Variants in NELL1 observed in about 807,000 individuals in gnomAD.
NELL1 encodes neural EGFL like 1.
A neutral mutation model predicts 107.4 loss-of-function variants in NELL1; 76 were observed. That is an observed-to-expected ratio of 0.71 (90% CI 0.59 to 0.86). The LOEUF (loss-of-function observed/expected upper bound fraction) is 0.86. Ranked by LOEUF, NELL1 falls within the 40% of genes least tolerant of loss-of-function variation. The pLI is 0.00. For missense variants in NELL1, 1,024 were observed against 1,005.5 expected (o/e 1.02, Z -0.25); for synonymous variants, 353 against 341.2 (o/e 1.03, Z -0.38).
chr11:20,867,965 C>T (rs1166887314), intron 4 of NELL1, among the ~76,000 whole-genome samples: 2 of 152,100 alleles, frequency 1.3e-5, no homozygotes, highest in African/African-American at 2.4e-5. Flanking sequence ...CTTAGGTAAA[C>T]ACAGAGAAAT....
At chr11:20,963,569 T>C (rs914710131) in intron 12 of NELL1, among the ~76,000 whole-genome samples, 3 of 152,130 alleles carry the variant, frequency 2.0e-5, no homozygotes, top group Non-Finnish European at 2.9e-5. Flanking sequence ...ATGAGATAAA[T>C]GGTCATGCAG....
At chr11:20,697,969 A>G (rs1228325174) in intron 2 of NELL1, among the ~76,000 whole-genome samples, 1 of 152,172 alleles carries the variant, frequency 6.6e-6, no homozygotes, top group Non-Finnish European at 1.5e-5. Flanking sequence ...TTAAATGCCG[A>G]TCTTCCAGAT....
chr11:20,758,446 A>G (rs1856346365), intron 2 of NELL1, among the ~76,000 whole-genome samples: 1 of 152,140 alleles, frequency 6.6e-6, no homozygotes, highest in African/African-American at 2.4e-5. Flanking sequence ...AGTTCTTCCT[A>G]TCCTACTGAC....
At chr11:20,685,906 C>A (rs1194881856) in intron 2 of NELL1, among the ~76,000 whole-genome samples, 1 of 151,904 alleles carries the variant, frequency 6.6e-6, no homozygotes, top group African/African-American at 2.4e-5. Flanking sequence ...ACTATTATTA[C>A]CCCCTTTTAT....
At chr11:21,519,980 A>AT (rs1855677032) in intron 15 of NELL1, among the ~76,000 whole-genome samples, 1 of 152,124 alleles carries the variant, frequency 6.6e-6, no homozygotes, top group Non-Finnish European at 1.5e-5. Context: ...ATAAATACCC[A>AT]TATCAATCGC....
At chr11:21,568,477 C>T (rs549695175) in intron 17 of NELL1, among the ~76,000 whole-genome samples, 2 of 151,844 alleles carry the variant, frequency 1.3e-5, no homozygotes, top group African/African-American at 4.8e-5. Context: ...ATAAATTAAC[C>T]TTAGCTTATT....
chr11:20,929,537 C>T (rs1347252030), intron 9 of NELL1, among the ~76,000 whole-genome samples: 1 of 151,542 alleles, frequency 6.6e-6, no homozygotes, highest in African/African-American at 2.4e-5. Context: ...GTTTCAAGAA[C>T]TTTTGGAAGT....
chr11:20,868,331 A>G (rs1849132749), intron 4 of NELL1, among the ~76,000 whole-genome samples: 1 of 152,226 alleles, frequency 6.6e-6, no homozygotes, highest in Non-Finnish European at 1.5e-5. Flanking sequence ...AATATCTAGA[A>G]TAGGAGCATT....
chr11:20,671,355 G>A (rs1032840438), intron 1 of NELL1: 1 of 152,408 alleles, frequency 6.6e-6, no homozygotes, highest in African/African-American at 2.4e-5. Flanking sequence ...ATCTTACAGA[G>A]GAACCGCAGA....
At chr11:21,215,827 G>T (rs1480617971) in intron 13 of NELL1, among the ~76,000 whole-genome samples, 2 of 152,138 alleles carry the variant, frequency 1.3e-5, no homozygotes, top group Non-Finnish European at 2.9e-5. Context: ...TGGATAATTT[G>T]CAGCCTGACA....
chr11:21,384,276 T>C (rs1307083460), intron 15 of NELL1, among the ~76,000 whole-genome samples: 1 of 151,920 alleles, frequency 6.6e-6, no homozygotes, highest in Non-Finnish European at 1.5e-5. Context: ...AGCTCCCCAT[T>C]TTCACTGCGT....
intron 14 of NELL1, among the ~76,000 whole-genome samples, chr11:21,300,586 C>A (rs574895465): frequency 6.6e-6 from 1 of 152,048 alleles, no homozygotes; most frequent in South Asian, 2.1e-4. Context: ...TGGGCTCTAG[C>A]AGTCCAAAAT....
At chr11:21,282,154 A>C (rs2133948622) in intron 14 of NELL1, among the ~76,000 whole-genome samples, 1 of 152,334 alleles carries the variant, frequency 6.6e-6, no homozygotes. Flanking sequence ...CTATAGGAAA[A>C]AAAAATCTAA....
chr11:20,920,766 T>G (rs77960223), intron 7 of NELL1, among the ~76,000 whole-genome samples: 6,426 of 152,196 alleles, frequency 0.042, 198 homozygotes, highest in East Asian at 0.099. Flanking sequence ...GAGAATGTCA[T>G]TTTTCTCTTT....
At chr11:21,064,837 A>G (rs1410571642) in intron 12 of NELL1, among the ~76,000 whole-genome samples, 4 of 152,224 alleles carry the variant, frequency 2.6e-5, no homozygotes, top group Non-Finnish European at 5.9e-5. Context: ...AAGCAGTTTA[A>G]TAATTTTGCT....
intron 13 of NELL1, among the ~76,000 whole-genome samples, chr11:21,191,594 T>G (rs953890578): frequency 3.3e-5 from 5 of 151,894 alleles, no homozygotes; most frequent in African/African-American, 1.2e-4. Context: ...AATAGCGATA[T>G]TTATGTCTTG....
intron 12 of NELL1, among the ~76,000 whole-genome samples, chr11:21,054,004 A>G (rs1452421603): frequency 1.3e-5 from 2 of 152,178 alleles, no homozygotes; most frequent in Admixed American, 6.6e-5. Context: ...CTTTCAAAAC[A>G]TGATTGCTTT....
intron 17 of NELL1, among the ~76,000 whole-genome samples, chr11:21,569,570 T>TTAGAGGTGTTTACCCAAGAAGTC (rs1353787556): frequency 3.9e-5 from 6 of 151,900 alleles, no homozygotes; most frequent in Non-Finnish European, 8.8e-5. Context: ...GGTCAAGAAG[T>TTAGAGGTGTTTACCCAAGAAGTC]TAGAGGTGTT....
chr11:20,842,371 T>TAA lies in NELL1; in HGVS notation c.336-5198_336-5197dup, dbSNP rs200472794. Among the ~76,000 whole-genome samples the TAA allele has an allele frequency of 6.7e-3, 951 of 140,904 alleles. 7 individuals carry two copies. The highest frequency in any genetic ancestry group is 0.023 in the African/African-American group (875 of 38,342). The allele number at this position is 140,904 out of a possible 152,430, so 92.4% of individuals were successfully genotyped here. On this transcript the variant is annotated intron_variant, in intron 3 of 19. Transcript: ENST00000357134. ...CTGGGCAACAGAGTGAGACTCCGTT[T>TAA]AAAAAAAAAAAAAAAGAGCTTCAGC...
Sources: allele counts gnomAD v4.1 joint callset (sites outside exome capture counted in the v4.1 genomes callset), GRCh38; gene constraint gnomAD v4.1.1; transcripts MANE v1.5; gene names NCBI Gene and HGNC (gene_info 2026-07-23, HGNC 2026-07-21).